UNC13B: variants seen among roughly 807,000 people sequenced by gnomAD.
UNC13B encodes the protein unc-13 homolog B.
UNC13B carries 144 observed loss-of-function variants against 211.0 expected under a neutral mutation model. The ratio of observed to expected loss-of-function variants is 0.68; its 90% CI spans 0.60 to 0.78. The LOEUF is 0.78. UNC13B is among the 30% of genes least tolerant of loss of function. The pLI, the probability that UNC13B is intolerant of heterozygous loss-of-function variation, is 0.00. For missense variants in UNC13B, 1,777 were observed against 2,002.0 expected (o/e 0.89, Z 2.14); for synonymous variants, 709 against 725.8 (o/e 0.98, Z 0.37).
intron 7 of UNC13B, among the ~76,000 whole-genome samples, chr9:35,279,744 T>G (rs1010206037): frequency 6.6e-6 from 1 of 152,234 alleles, no homozygotes; most frequent in Non-Finnish European, 1.5e-5. Context: ...TGAAATATGT[T>G]ACAGAATTGC....
intron 26 of UNC13B, among the ~76,000 whole-genome samples, chr9:35,393,965 G>A (rs928622622): frequency 5.9e-5 from 9 of 152,098 alleles, no homozygotes; most frequent in African/African-American, 1.4e-4. Flanking sequence ...AAGGCCAGTC[G>A]CTCTGTCTAC....
intron 27 of UNC13B, 46 bp from the exon 28 acceptor site, chr9:35,396,795 T>C (rs1469137784): frequency 6.2e-7 from 1 of 1,612,022 alleles, no homozygotes; most frequent in Non-Finnish European, 8.5e-7. Context: ...AAGTGGCGTA[T>C]TCCCACCGCT....
At chr9:35,352,520 A>G in intron 11 of UNC13B, 1 of 1,232,152 alleles carries the variant, frequency 8.1e-7, no homozygotes, top group Non-Finnish European at 1.0e-6. Context: ...TTATAGTCAG[A>G]CTTCTTTAAA....
chr9:35,188,063 A>C (rs976773788), intron 1 of UNC13B, among the ~76,000 whole-genome samples: 5 of 152,262 alleles, frequency 3.3e-5, no homozygotes, highest in Non-Finnish European at 5.9e-5. Flanking sequence ...AACAAGGATC[A>C]GCAATATTCC....
intron 25 of UNC13B, among the ~76,000 whole-genome samples, chr9:35,390,307 T>C (rs1486834862): frequency 6.6e-6 from 1 of 152,232 alleles, no homozygotes; most frequent in Non-Finnish European, 1.5e-5. Flanking sequence ...CCACCCCCAC[T>C]TGCCCTTTCT....
chr9:35,370,331 C>G lies in UNC13B; in HGVS notation c.9475C>G (p.Leu3159Val), dbSNP rs143686793. 5.5e-5 allele frequency: 89 copies of G among 1,613,868 alleles called. No homozygotes were observed. Among genetic ancestry groups the G allele is most frequent in the Non-Finnish European group, 7.5e-5 (88 of 1,179,988 alleles). ...TTCTCTCCTCAGGCCAGCCGGAGGG[C>G]TCTATGGCATTGACAGCATGCCAGA... ...QWLPEGPAGG[L>V]YGIDSMPDLR... The change falls in exon 13 of 40, where the codon CTC (leucine) becomes GTC (valine). Residue 3159 changes from leucine (L) to valine (V), a missense_variant. Coordinates refer to ENST00000635942, the MANE Select transcript of UNC13B (RefSeq NM_001371189.2).
At chr9:35,382,166 A>G (rs1478013726) in intron 20 of UNC13B, among the ~76,000 whole-genome samples, 191 bp from the exon 21 acceptor site, 1 of 152,200 alleles carries the variant, frequency 6.6e-6, no homozygotes, top group Non-Finnish European at 1.5e-5. Flanking sequence ...CCAGATTGCT[A>G]TGAGAAGCAG....
At position 35,243,199 on chromosome 9, in the gene UNC13B, T is replaced by A; in HGVS notation, c.395-92T>A. ...TTGTGCATCACTACCACCTTCTGACTTCAGTCATTAGACAGAGTAAAGTGT... is the reference window on the plus strand; with the variant it reads ...TTGTGCATCACTACCACCTTCTGACATCAGTCATTAGACAGAGTAAAGTGT... On this transcript the variant is annotated intron_variant, in intron 5 of 39. Transcript: ENST00000635942. The A allele has an allele frequency of 3.1e-6, 4 of 1,283,904 alleles. No individual in the cohort carries two copies. The East Asian group carries it at 6.9e-5, about 22-fold the overall frequency. 79.5% of individuals were successfully genotyped at this position (1,283,904 alleles called of 1,614,324 possible).
chr9:35,173,440 T>G (rs191743978), intron 1 of UNC13B, among the ~76,000 whole-genome samples: 3,287 of 150,102 alleles, frequency 0.022, 111 homozygotes, highest in African/African-American at 0.07. Flanking sequence ...TTTTTTTTTT[T>G]GGGGACAGAG....
chr9:35,396,844 G>A lies in UNC13B; in HGVS notation c.11439G>A (p.Trp3813Ter). 2 of 1,614,188 alleles carry A rather than the reference G, an allele frequency of 1.2e-6. No homozygotes were observed. Among genetic ancestry groups the A allele is most frequent in the Non-Finnish European group, 1.7e-6 (2 of 1,180,022 alleles). ...TGTTCTCCTGCTGTGGCTGCAGGTG[G>A]TTTGAGCAGTTCGTGCTACAATGGC... Reference protein sequence around the residue: ...LQGQVPEYPAWFEQFVLQWLD... With the variant: ...LQGQVPEYPA The change falls in exon 28 of 40, where the codon TGG becomes TGA. Residue 3813 changes from tryptophan to a stop codon, truncating the protein, a stop_gained. Coordinates refer to ENST00000635942, the MANE Select transcript of UNC13B (RefSeq NM_001371189.2). LOFTEE classifies it high-confidence loss of function.
At position 35,300,321 on chromosome 9, in the gene UNC13B, G is replaced by C. The variant is rs543586335; in HGVS notation, c.917G>C (p.Cys306Ser). 2.5e-6 allele frequency: 1 copy of C among 398,870 alleles called. No individual in the cohort carries two copies. Among genetic ancestry groups the C allele is most frequent in the South Asian group, 1.3e-4 (1 of 7,850 alleles). 24.7% of individuals were successfully genotyped at this position (398,870 alleles called of 1,614,324 possible). ...TYSNTENCTL[C>S]HTEKKQNMGY... Reference sequence around the variant, plus strand: ...TCTAATACTGAAAATTGTACCCTTTGCCATACTGAAAAGAAACAAAATATG... The same window carrying C: ...TCTAATACTGAAAATTGTACCCTTTCCCATACTGAAAAGAAACAAAATATG... Residue 306 changes from cysteine to serine, a missense_variant, in exon 9 of 40, where the codon TGC (cysteine) becomes TCC (serine). Coordinates refer to ENST00000635942, the MANE Select transcript of UNC13B (RefSeq NM_001371189.2).
Position 35,328,647 on chromosome 9 carries a change from CCTTCCTTCCTTCCTTCCTCCCTCCCTT to C in UNC13B, c.9414+14660_9414+14686del, listed in dbSNP as rs1303206399. ...TCCTTCCTTCCTTCCTTCCTTCCTT[CCTTCCTTCCTTCCTTCCTCCCTCCCTT>C]CCTTCCCTTCCCTTTCTTCCTCCCT... On this transcript the variant is annotated intron_variant, in intron 11 of 39. Transcript: ENST00000635942. Among the ~76,000 whole-genome samples, 30 of 84,230 alleles carry C rather than the reference CCTTCCTTCCTTCCTTCCTCCCTCCCTT, an allele frequency of 3.6e-4. No homozygotes were observed. The East Asian group carries it at 0.011, about 30-fold the overall frequency. The allele number at this position is 84,230 out of a possible 152,430, so 55.3% of individuals were successfully genotyped here.
chr9:35,381,242 A>T, intron 19 of UNC13B, 27 bp downstream of exon 19: 1 of 1,595,018 alleles, frequency 6.3e-7, no homozygotes, highest in East Asian at 2.2e-5. Flanking sequence ...TAGGTGGGGG[A>T]TCAGAAAGCA....
intron 6 of UNC13B, among the ~76,000 whole-genome samples, chr9:35,250,880 A>C (rs1274960919): frequency 6.8e-6 from 1 of 147,954 alleles, no homozygotes; most frequent in African/African-American, 2.5e-5. Context: ...GTGGTCTCTC[A>C]TTTTGGTTGC....
At chr9:35,375,946 C>T in intron 14 of UNC13B, 82 bp from the exon 15 acceptor site, 1 of 1,442,518 alleles carries the variant, frequency 6.9e-7, no homozygotes, top group Admixed American at 1.7e-5. Context: ...TACCACTGCA[C>T]TCCAGCCTGG....
At chr9:35,230,358 C>T (rs1369281868) in intron 2 of UNC13B, among the ~76,000 whole-genome samples, 1 of 150,234 alleles carries the variant, frequency 6.7e-6, no homozygotes, top group Non-Finnish European at 1.5e-5. Flanking sequence ...ATAATCCCAG[C>T]TACTTGGGTA....
intron 6 of UNC13B, among the ~76,000 whole-genome samples, chr9:35,243,717 T>G (rs1825930106): frequency 6.6e-6 from 1 of 152,176 alleles, no homozygotes; most frequent in South Asian, 2.1e-4. Context: ...ATTTGTGTCC[T>G]GTTTTTGAGG....
chr9:35,272,538 G>A lies in UNC13B; in HGVS notation c.526+13488G>A, dbSNP rs182431838. 5.0e-3 allele frequency among the ~76,000 whole-genome samples: 766 copies of A among 152,136 alleles called. 3 individuals carry two copies. Among genetic ancestry groups the A allele is most frequent in the Non-Finnish European group, 8.8e-3 (596 of 67,978 alleles). Reference sequence around the variant, plus strand: ...CTCCCAAAGTGTTGGGATTACAGGCGTGAGCCACCACGCCCGGCCTGTTTT... The same window carrying A: ...CTCCCAAAGTGTTGGGATTACAGGCATGAGCCACCACGCCCGGCCTGTTTT... On this transcript the variant is annotated intron_variant, in intron 7 of 39. Transcript: ENST00000635942.
intron 1 of UNC13B, among the ~76,000 whole-genome samples, chr9:35,199,315 G>A (rs1169764090): frequency 6.6e-6 from 1 of 152,182 alleles, no homozygotes; most frequent in Non-Finnish European, 1.5e-5. Flanking sequence ...GTGTGCCTGT[G>A]TCTTTATAGC....
Sources: allele counts gnomAD v4.1 joint callset (sites outside exome capture counted in the v4.1 genomes callset), GRCh38; gene constraint gnomAD v4.1.1; transcripts MANE v1.5; gene names NCBI Gene and HGNC (gene_info 2026-07-23, HGNC 2026-07-21).